The following AGMO variants were observed in gnomAD, a reference collection of about 807,000 sequenced individuals.
AGMO encodes the protein glyceryl-ether monooxygenase.
Under a neutral mutation model 60.2 loss-of-function variants are expected in AGMO, and 75 were observed. That is an observed-to-expected ratio of 1.25 (90% CI 1.03 to 1.51). The LOEUF (loss-of-function observed/expected upper bound fraction) is 1.51, where lower values mean the gene tolerates loss of function less well. Ranked by LOEUF, AGMO falls within the 40% of genes most tolerant of loss-of-function variation. The probability of loss-of-function intolerance (pLI) is 0.00; values close to 1 mark genes in which losing one functional copy is unlikely to be tolerated. For synonymous variants in AGMO, 261 were observed against 177.1 expected (o/e 1.47, Z -3.76); for missense variants, 763 against 525.5 (o/e 1.45, Z -4.42).
chr7:15,518,366 T>C (rs1445214526), intron 3 of AGMO, among the ~76,000 whole-genome samples: 1 of 152,084 alleles, frequency 6.6e-6, no homozygotes, highest in East Asian at 1.9e-4. Context: ...TCCCCATGCC[T>C]CCTGACTGGG....
At chr7:15,383,052 G>A (rs1051845271) in intron 10 of AGMO, among the ~76,000 whole-genome samples, 1 of 151,738 alleles carries the variant, frequency 6.6e-6, no homozygotes, top group African/African-American at 2.4e-5. Flanking sequence ...ATCCTGTGTA[G>A]TTGACCCTGC....
At chr7:15,190,783 T>C in the AGMO span, among the ~76,000 whole-genome samples, 3 of 152,096 alleles carry the variant, frequency 2.0e-5, no homozygotes, top group Non-Finnish European at 4.4e-5. Flanking sequence ...GATTAACTGA[T>C]ACAGGAAAGT....
At chr7:15,373,391 C>A (rs1365328374) in intron 10 of AGMO, among the ~76,000 whole-genome samples, 1 of 152,098 alleles carries the variant, frequency 6.6e-6, no homozygotes, top group Non-Finnish European at 1.5e-5. Context: ...CTCCAACTTT[C>A]TTTAAATAGA....
rs184192314 is a variant in AGMO at position 15,431,861 on chromosome 7, G to C, written c.410-753C>G. 8.6e-3 allele frequency among the ~76,000 whole-genome samples: 1,302 copies of C among 151,846 alleles called. 8 individuals carry two copies. The highest frequency in any genetic ancestry group is 0.014 in the Non-Finnish European group (977 of 67,744). ...TGGAATTCATACAGACTCCAAAGAA[G>C]TGTGGTTTTTAAAAAAATTTTTACA... is the stretch of plus-strand genomic sequence containing the variant. On this transcript the variant is annotated intron_variant, in intron 3 of 12. Coordinates refer to ENST00000342526, the MANE Select transcript of AGMO (RefSeq NM_001004320.2).
intron 10 of AGMO, among the ~76,000 whole-genome samples, chr7:15,372,055 C>CAT (rs1384729931): frequency 2.0e-5 from 3 of 152,038 alleles, no homozygotes. Context: ...ACATAGAACA[C>CAT]ATATGCTTAA....
At chr7:15,287,315 C>T (rs1053860530) in intron 12 of AGMO, among the ~76,000 whole-genome samples, 3 of 152,176 alleles carry the variant, frequency 2.0e-5, no homozygotes, top group Admixed American at 1.3e-4. Context: ...AATGTTATTT[C>T]ATGACTTCTG....
chr7:15,266,404 A>AT (rs1783433730), intron 12 of AGMO, among the ~76,000 whole-genome samples: 1 of 151,966 alleles, frequency 6.6e-6, no homozygotes. Context: ...GAAAAAGCAA[A>AT]AAAAAGTAAT....
chr7:15,337,689 G>A (rs1370501289), intron 12 of AGMO, among the ~76,000 whole-genome samples: 4 of 152,276 alleles, frequency 2.6e-5, no homozygotes, highest in South Asian at 2.1e-4. Context: ...ATAGGTTCAC[G>A]AAATGCAAAG....
intron 10 of AGMO, among the ~76,000 whole-genome samples, chr7:15,372,727 T>G (rs1186395148): frequency 6.6e-6 from 1 of 152,198 alleles, no homozygotes; most frequent in African/African-American, 2.4e-5. Context: ...GCTTATTAGT[T>G]TTTTATAACA....
intron 8 of AGMO, among the ~76,000 whole-genome samples, chr7:15,388,947 T>C (rs936970908): frequency 6.6e-6 from 1 of 152,220 alleles, no homozygotes; most frequent in Non-Finnish European, 1.5e-5. Flanking sequence ...GAATTGAACC[T>C]AACAGTTTCA....
chr7:15,160,255 C>A, the AGMO span, among the ~76,000 whole-genome samples: 1 of 152,130 alleles, frequency 6.6e-6, no homozygotes, highest in African/African-American at 2.4e-5. Flanking sequence ...TCTTCATATA[C>A]CACACAAGGG....
At chr7:15,161,644 A>G in the AGMO span, among the ~76,000 whole-genome samples, 45 of 151,448 alleles carry the variant, frequency 3.0e-4, no homozygotes, top group Non-Finnish European at 6.0e-4. Context: ...ACATATATAT[A>G]TATCATATAT....
intron 12 of AGMO, among the ~76,000 whole-genome samples, chr7:15,204,085 A>G (rs1349632873): frequency 6.6e-6 from 1 of 152,152 alleles, no homozygotes; most frequent in Non-Finnish European, 1.5e-5. Flanking sequence ...TGAAATATTC[A>G]CCATTCCATT....
intron 5 of AGMO, among the ~76,000 whole-genome samples, chr7:15,410,697 T>G (rs1048321096): frequency 2.0e-5 from 3 of 151,816 alleles, no homozygotes; most frequent in South Asian, 4.1e-4. Context: ...ACTTTCTATG[T>G]GATAAATTAC....
intron 12 of AGMO, among the ~76,000 whole-genome samples, chr7:15,324,099 C>G (rs1421819698): frequency 6.6e-6 from 1 of 152,168 alleles, no homozygotes; most frequent in African/African-American, 2.4e-5. Flanking sequence ...AAAAATAAGA[C>G]TACTTTAAGC....
intron 12 of AGMO, among the ~76,000 whole-genome samples, chr7:15,274,125 G>C (rs1783706471): frequency 6.6e-6 from 1 of 152,094 alleles, no homozygotes; most frequent in Non-Finnish European, 1.5e-5. Flanking sequence ...TCCTTCTCCT[G>C]CCTGATTGCC....
At chr7:15,260,341 C>T (rs1783232955) in intron 12 of AGMO, among the ~76,000 whole-genome samples, 2 of 151,678 alleles carry the variant, frequency 1.3e-5, no homozygotes, top group Admixed American at 6.6e-5. Flanking sequence ...TGCAAATGAA[C>T]ACCACAAGAG....
chr7:15,374,931 G>A (rs1394204443), intron 10 of AGMO, among the ~76,000 whole-genome samples: 2 of 152,064 alleles, frequency 1.3e-5, no homozygotes, highest in African/African-American at 4.8e-5. Flanking sequence ...ATACCCTGAA[G>A]AAATTATCCA....
At chr7:15,219,287 A>G (rs981170603) in intron 12 of AGMO, among the ~76,000 whole-genome samples, 1 of 152,208 alleles carries the variant, frequency 6.6e-6, no homozygotes, top group African/African-American at 2.4e-5. Flanking sequence ...CATCTAATAT[A>G]ATCTAGACAA....
Sources: gnomAD v4.1 joint callset for allele counts (sites outside exome capture counted in the v4.1 genomes callset) on GRCh38, gnomAD v4.1.1 for gene constraint, MANE v1.5 for transcripts, NCBI Gene and HGNC (gene_info 2026-07-23, HGNC 2026-07-21) for gene names.